Variants in SORBS2 observed in about 807,000 individuals in gnomAD.
SORBS2 encodes the protein sorbin and SH3 domain containing 2.
A neutral mutation model predicts 97.7 loss-of-function variants in SORBS2; 46 were observed. The observed-to-expected ratio is 0.47, with a 90% CI of 0.37 to 0.60. The LOEUF is 0.60. Among genes scored for constraint, SORBS2 ranks in the 20% least tolerant of loss-of-function variants. The pLI is 0.00. For missense variants in SORBS2, 1,316 were observed against 1,282.3 expected (o/e 1.03, Z -0.40); for synonymous variants, 476 against 473.4 (o/e 1.01, Z -0.07).
chr4:185,910,213 C>T lies in SORBS2; in HGVS notation c.-338+45983G>A, dbSNP rs764653142. ...CACTACAAGTAATAGCACTGGAGTA[C>T]AATGTGTGCCCTATGCATATATTTA... is the stretch of plus-strand genomic sequence containing the variant. On this transcript the variant is annotated intron_variant, in intron 1 of 20. Coordinates refer to the SORBS2 transcript ENST00000284776. Among the ~76,000 whole-genome samples, 20 of 152,220 alleles carry T rather than the reference C, an allele frequency of 1.3e-4. No homozygotes were observed. The South Asian group carries it at 1.5e-3, about 11-fold the overall frequency.
At chr4:185,691,530 C>T (rs73876155) in intron 2 of SORBS2, among the ~76,000 whole-genome samples, 4,177 of 152,012 alleles carry the variant, frequency 0.027, 203 homozygotes, top group African/African-American at 0.096. Context: ...AGTTGACTAC[C>T]GGGGAATATG....
At chr4:185,744,499 G>C (rs1293485405) in intron 2 of SORBS2, among the ~76,000 whole-genome samples, 7 of 152,162 alleles carry the variant, frequency 4.6e-5, no homozygotes, top group Non-Finnish European at 7.3e-5. Flanking sequence ...GAATTTCATA[G>C]AAGAATATTG....
chr4:185,855,823 C>G (rs2099220374), intron 1 of SORBS2, among the ~76,000 whole-genome samples: 2 of 152,254 alleles, frequency 1.3e-5, no homozygotes, highest in Admixed American at 6.5e-5. Context: ...ATCTGGGACC[C>G]TAGTTAGCAT....
At chr4:185,886,554 CA>C (rs1198439527) in intron 1 of SORBS2, among the ~76,000 whole-genome samples, 307 of 72,890 alleles carry the variant, frequency 4.2e-3, no homozygotes, top group African/African-American at 9.5e-3. Flanking sequence ...GACTCTGTCT[CA>C]AAAAAAAAAA....
At chr4:185,701,035 T>C (rs2098254139) in intron 2 of SORBS2, among the ~76,000 whole-genome samples, 1 of 152,240 alleles carries the variant, frequency 6.6e-6, no homozygotes, top group African/African-American at 2.4e-5. Flanking sequence ...TCTAACTTAT[T>C]TGACGTACTG....
At chr4:185,764,551 G>A (rs2098923176) in intron 2 of SORBS2, among the ~76,000 whole-genome samples, 1 of 152,194 alleles carries the variant, frequency 6.6e-6, no homozygotes, top group Non-Finnish European at 1.5e-5. Context: ...AAATATGGAA[G>A]TATAGGCCAA....
intron 2 of SORBS2, among the ~76,000 whole-genome samples, chr4:185,741,476 T>C (rs146271237): frequency 0.047 from 6,697 of 142,484 alleles, 394 homozygotes; most frequent in East Asian, 0.21. Flanking sequence ...TGATCTCGGC[T>C]CACTGCAACC....
chr4:185,835,577 G>T (rs970513613), intron 1 of SORBS2, among the ~76,000 whole-genome samples: 2 of 151,420 alleles, frequency 1.3e-5, no homozygotes, highest in Admixed American at 6.6e-5. Flanking sequence ...ATTCATTTGC[G>T]CACTGTTCAA....
intron 1 of SORBS2, among the ~76,000 whole-genome samples, chr4:185,835,837 G>A (rs931108802): frequency 6.6e-6 from 1 of 151,982 alleles, no homozygotes; most frequent in Non-Finnish European, 1.5e-5. Context: ...AGTGTCTGAG[G>A]AGGCTCAACC....
intron 1 of SORBS2, among the ~76,000 whole-genome samples, chr4:185,839,514 A>C (rs756776659): frequency 6.6e-6 from 1 of 152,188 alleles, no homozygotes; most frequent in African/African-American, 2.4e-5. Context: ...TTCTGCAGTC[A>C]GAGTTCCCAA....
chr4:185,773,778 G>A (rs1024034168), intron 2 of SORBS2: 1 of 152,228 alleles, frequency 6.6e-6, no homozygotes, highest in Non-Finnish European at 1.5e-5. Context: ...GGGAACAAAT[G>A]TCACACACAC....
intron 1 of SORBS2, among the ~76,000 whole-genome samples, chr4:185,945,216 T>G (rs1389323465): frequency 6.6e-6 from 1 of 152,254 alleles, no homozygotes; most frequent in Non-Finnish European, 1.5e-5. Context: ...TCTGTCAACT[T>G]GTTGATACAG....
intron 12 of SORBS2, among the ~76,000 whole-genome samples, chr4:185,608,864 A>G (rs1227440504): frequency 6.6e-6 from 1 of 152,220 alleles, no homozygotes; most frequent in Non-Finnish European, 1.5e-5. Context: ...ATTGTTTAGG[A>G]TAACACTTTA....
In SORBS2 at chr4:185,788,398, T is replaced by A. The variant is rs147841683; in HGVS notation, c.-337-13032A>T. 7.2e-5 allele frequency among the ~76,000 whole-genome samples: 11 copies of A among 152,236 alleles called. 1 individual carries two copies. In the East Asian group the frequency reaches 1.9e-3, roughly 27 times the overall value. On this transcript the variant is annotated intron_variant, in intron 1 of 20. Transcript: ENST00000284776. ...CAAATAAAATTTGGTGCTTCAAAGT[T>A]TCAAATTAGGCACATTTCAGTTGAG...
intron 1 of SORBS2, chr4:185,933,414 ACATCCTGTGAGAAATG>A (rs1192733050): frequency 2.0e-5 from 3 of 152,074 alleles, no homozygotes; most frequent in East Asian, 1.9e-4. Flanking sequence ...GATGGCTTAA[ACATCCTGTGAGAAATG>A]CATCCTGTGA....
At chr4:185,734,461 T>C (rs1255577683) in intron 2 of SORBS2, among the ~76,000 whole-genome samples, 1 of 152,158 alleles carries the variant, frequency 6.6e-6, no homozygotes, top group Non-Finnish European at 1.5e-5. Context: ...CAGGGTGATA[T>C]TGGCAGCCTC....
chr4:185,943,042 T>G (rs2099272879), intron 1 of SORBS2, among the ~76,000 whole-genome samples: 1 of 152,242 alleles, frequency 6.6e-6, no homozygotes, highest in African/African-American at 2.4e-5. Context: ...TTTTCTTTAA[T>G]GAAGGTGGTT....
Position 185,635,412 on chromosome 4 carries a change from C to G in SORBS2, c.397-4814G>C, listed in dbSNP as rs764644511. The G allele has an allele frequency of 3.1e-6, 5 of 1,613,178 alleles. No homozygotes were observed. The highest frequency in any genetic ancestry group is 2.2e-5 in the South Asian group (2 of 91,018). ...CATAGTCCAGAGGCTTTTTAGGAGG[C>G]TGGGTGTAGACGCACCACAGAAGCA... On this transcript the variant is annotated intron_variant, in intron 4 of 14. Transcript: ENST00000418609.
intron 1 of SORBS2, among the ~76,000 whole-genome samples, chr4:185,913,616 C>T (rs1352308011): frequency 6.6e-6 from 1 of 152,048 alleles, no homozygotes; most frequent in African/African-American, 2.4e-5. Flanking sequence ...TTAATTAAAC[C>T]AGATTCTGAA....
Sources: gnomAD v4.1 joint callset for allele counts (sites outside exome capture counted in the v4.1 genomes callset) on GRCh38, gnomAD v4.1.1 for gene constraint, MANE v1.5 for transcripts, NCBI Gene and HGNC (gene_info 2026-07-23, HGNC 2026-07-21) for gene names.